The following NFIA variants were observed in gnomAD, a reference collection of about 807,000 sequenced individuals.
NFIA encodes the protein nuclear factor 1 A-type.
NFIA carries 8 observed loss-of-function variants against 62.8 expected under a neutral mutation model. The observed-to-expected ratio is 0.13, with a 90% CI of 0.07 to 0.23. The LOEUF (loss-of-function observed/expected upper bound fraction) is 0.23. NFIA is among the 10% of genes least tolerant of loss of function. The pLI, the probability that NFIA is intolerant of heterozygous loss-of-function variation, is 1.00. For synonymous variants in NFIA, 235 were observed against 238.1 expected, an observed-to-expected ratio of 0.99 and a Z score of 0.12; for missense variants, 410 against 642.1, an observed-to-expected ratio of 0.64 and a Z score of 3.91.
chr1:61,402,906 C>T (rs74763304), intron 7 of NFIA, among the ~76,000 whole-genome samples: 11,894 of 152,106 alleles, frequency 0.078, 1,305 homozygotes, highest in African/African-American at 0.24. Context: ...GAGGAGATCC[C>T]GGTAGGGAAC....
chr1:61,133,941 G>A (rs1026960629), intron 2 of NFIA, among the ~76,000 whole-genome samples: 2 of 152,038 alleles, frequency 1.3e-5, no homozygotes, highest in African/African-American at 4.8e-5. Flanking sequence ...TGGCCAACAT[G>A]GTGAAACCCC....
Position 61,103,086 on chromosome 1 carries a change from A to G in NFIA, c.559+14406A>G, listed in dbSNP as rs1356438043. ...AGTGTATTTAGACAAATGTAGCCTG[A>G]TAAAAGTGGATAAATTACCTTTTGT... On this transcript the variant is annotated intron_variant, in intron 2 of 10. Transcript: ENST00000403491. 2.0e-5 allele frequency among the ~76,000 whole-genome samples: 3 copies of G among 152,228 alleles called. No homozygotes were observed. The East Asian group carries it at 5.8e-4, about 29-fold the overall frequency.
At chr1:61,120,758 A>G (rs987187420) in intron 2 of NFIA, among the ~76,000 whole-genome samples, 9 of 152,228 alleles carry the variant, frequency 5.9e-5, no homozygotes, top group Non-Finnish European at 1.3e-4. Flanking sequence ...TGGCTCTTCC[A>G]CAAACTACTT....
chr1:61,197,874 G>A (rs1360626706), intron 2 of NFIA, among the ~76,000 whole-genome samples: 4 of 151,940 alleles, frequency 2.6e-5, no homozygotes, highest in East Asian at 2.0e-4. Context: ...CCAGCTACTC[G>A]GGAGGCTGAG....
intron 2 of NFIA, among the ~76,000 whole-genome samples, chr1:61,139,220 C>G (rs1383764918): frequency 1.3e-5 from 2 of 152,114 alleles, no homozygotes; most frequent in African/African-American, 4.8e-5. Flanking sequence ...ATTTCTTAAT[C>G]TGTAAAACAG....
At chr1:61,230,640 A>T (rs1429254513) in intron 2 of NFIA, among the ~76,000 whole-genome samples, 1 of 152,160 alleles carries the variant, frequency 6.6e-6, no homozygotes, top group Non-Finnish European at 1.5e-5. Context: ...TTCTGAAATA[A>T]CAACTATTGC....
In NFIA at chr1:61,404,215, T is replaced by C; in HGVS notation, c.1187T>C (p.Leu396Pro). The change falls in exon 8 of 11, where the codon CTG becomes CCG. Residue 396 changes from leucine (L) to proline (P), a missense_variant. Leu to Pro is a moderately conservative substitution (Grantham distance 98). Coordinates refer to ENST00000403491, the MANE Select transcript of NFIA (RefSeq NM_001134673.4). Reference sequence around the variant, plus strand: ...ATCCGCTATCACCCTCAGGAGACGCTGAAAGAATTTGTCCAACTTGTCTGC... The same window carrying C: ...ATCCGCTATCACCCTCAGGAGACGCCGAAAGAATTTGTCCAACTTGTCTGC... ...PAIRYHPQET[L>P]KEFVQLVCPD... 1 of 1,614,218 alleles carries C rather than the reference T, an allele frequency of 6.2e-7. No individual in the cohort carries two copies. Among genetic ancestry groups the C allele is most frequent in the South Asian group, 1.1e-5 (1 of 91,076 alleles).
At chr1:61,160,822 C>T (rs543904338) in intron 2 of NFIA, among the ~76,000 whole-genome samples, 2 of 152,328 alleles carry the variant, frequency 1.3e-5, no homozygotes, top group South Asian at 2.1e-4. Flanking sequence ...CACCAAGTCA[C>T]ATTTTATAGA....
chr1:61,230,408 A>T (rs1654600719), intron 2 of NFIA, among the ~76,000 whole-genome samples: 5 of 152,196 alleles, frequency 3.3e-5, no homozygotes. Context: ...GTCAAATCAT[A>T]ACCTAGAAGT....
intron 2 of NFIA, among the ~76,000 whole-genome samples, chr1:61,213,934 A>G (rs962371947): frequency 2.0e-5 from 3 of 152,076 alleles, no homozygotes; most frequent in African/African-American, 7.2e-5. Context: ...TGTACTTTTC[A>G]TGAGTAGCAG....
chr1:61,176,872 C>A (rs763251808), intron 2 of NFIA, among the ~76,000 whole-genome samples: 136 of 152,026 alleles, frequency 8.9e-4, no homozygotes, highest in Middle Eastern at 3.4e-3. Flanking sequence ...TGGGAGGCTG[C>A]GGCGGGCAGA....
intron 3 of NFIA, among the ~76,000 whole-genome samples, chr1:61,307,691 T>C (rs1659874149): frequency 6.6e-6 from 1 of 152,220 alleles, no homozygotes; most frequent in African/African-American, 2.4e-5. Flanking sequence ...TATCAGTGCT[T>C]CCCCAGCACA....
chr1:61,361,894 T>A (rs1031630618), intron 6 of NFIA, among the ~76,000 whole-genome samples: 1 of 151,824 alleles, frequency 6.6e-6, no homozygotes, highest in African/African-American at 2.4e-5. Flanking sequence ...CCATTCTCTA[T>A]CCCCATTTCA....
intron 3 of NFIA, among the ~76,000 whole-genome samples, chr1:61,311,091 T>TA (rs1166671039): frequency 1.3e-5 from 2 of 152,106 alleles, no homozygotes; most frequent in Admixed American, 6.6e-5. Flanking sequence ...AAAGTAATTT[T>TA]AAAAAAACAC....
chr1:61,177,537 G>A (rs982407655), intron 2 of NFIA, among the ~76,000 whole-genome samples: 1 of 152,110 alleles, frequency 6.6e-6, no homozygotes, highest in Non-Finnish European at 1.5e-5. Flanking sequence ...ATTCTAACAA[G>A]ATAATCAAAG....
At chr1:61,247,628 G>A (rs1184837675) in intron 2 of NFIA, among the ~76,000 whole-genome samples, 2 of 152,194 alleles carry the variant, frequency 1.3e-5, no homozygotes, top group African/African-American at 2.4e-5. Context: ...GTGAGGGGAG[G>A]TGAGAGGGAT....
intron 2 of NFIA, among the ~76,000 whole-genome samples, chr1:61,102,936 G>C (rs1242589999): frequency 6.6e-6 from 1 of 152,160 alleles, no homozygotes; most frequent in African/African-American, 2.4e-5. Flanking sequence ...GGTGTTTCAA[G>C]ACTTAGGAAA....
intron 3 of NFIA, among the ~76,000 whole-genome samples, chr1:61,293,663 A>C (rs564156106): frequency 6.6e-6 from 1 of 152,260 alleles, no homozygotes; most frequent in African/African-American, 2.4e-5. Flanking sequence ...ACTCTAATTC[A>C]ATTTAGTAGA....
intron 9 of NFIA, among the ~76,000 whole-genome samples, chr1:61,418,671 G>A (rs1216236990): frequency 6.6e-6 from 1 of 152,162 alleles, no homozygotes; most frequent in Admixed American, 6.5e-5. Context: ...ATATTCCAAT[G>A]TATGGATGAA....
Sources: gnomAD v4.1 joint callset for allele counts (sites outside exome capture counted in the v4.1 genomes callset) on GRCh38, gnomAD v4.1.1 for gene constraint, MANE v1.5 for transcripts, NCBI Gene and HGNC (gene_info 2026-07-23, HGNC 2026-07-21) for gene names.